Variants in PPIC observed in about 807,000 individuals in gnomAD.
The protein encoded by PPIC is peptidyl-prolyl cis-trans isomerase C.
A neutral mutation model predicts 19.5 loss-of-function variants in PPIC; 19 were observed. The observed-to-expected ratio is 0.98, with a 90% CI of 0.68 to 1.43. PPIC has a LOEUF of 1.43. Ranked by LOEUF, PPIC falls within the 40% of genes most tolerant of loss-of-function variation. PPIC has a pLI of 0.00. For synonymous variants in PPIC, 107 were observed against 101.2 expected, an observed-to-expected ratio of 1.06 and a Z score of -0.34; for missense variants, 268 against 268.6, an observed-to-expected ratio of 1.00 and a Z score of 0.02.
chr5:123,036,487 G>A lies in PPIC; in HGVS notation c.117+22C>T. 1.3e-6 allele frequency: 2 copies of A among 1,590,688 alleles called. No individual in the cohort carries two copies. The highest frequency in any genetic ancestry group is 1.7e-6 in the Non-Finnish European group (2 of 1,166,312). Reference sequence around the variant, plus strand: ...GGCCCCGCCCGCAACAGGGGAAGTTGCAGCCCGCCGCTCTCGGTCACCTTG... The same window carrying A: ...GGCCCCGCCCGCAACAGGGGAAGTTACAGCCCGCCGCTCTCGGTCACCTTG... On this transcript the variant is annotated intron_variant, in intron 1 of 4. Transcript: ENST00000306442. This position sits in a 1 kb window ranked among gnomAD's most constrained non-coding sequence, Gnocchi z 4.5.
In PPIC at chr5:123,023,779, A is replaced by C; in HGVS notation, c.*96T>G. On this transcript the variant is annotated 3_prime_UTR_variant, in exon 5 of 5. Coordinates refer to ENST00000306442, the MANE Select transcript of PPIC (RefSeq NM_000943.5). ...TAGAATACAAAAAGAAAGTAAAAAA[A>C]AAAAAGCAAATAATTGAAAGACAAC... The C allele has an allele frequency of 1.4e-6, 2 of 1,404,866 alleles. 1 individual carries two copies. The allele number at this position is 1,404,866 out of a possible 1,614,324, so 87.0% of individuals were successfully genotyped here. A position where few individuals can be genotyped will look rare whatever the true frequency, so the allele number is the denominator to read the frequency against.
In PPIC at chr5:123,024,001, T is replaced by C. The variant is rs1335086853; in HGVS notation, c.513A>G (p.Thr171=). Residue 171 remains threonine (T), a splice_region_variant and synonymous_variant, in exon 5 of 5, where the codon ACA becomes ACG. Transcript: ENST00000306442. Reference sequence around the variant, plus strand: ...CTTGGAGCTCTATGGAGTGCACCACTGTCTGGTGAGAGAAAAGTAGACACA... The same window carrying C: ...CTTGGAGCTCTATGGAGTGCACCACCGTCTGGTGAGAGAAAAGTAGACACA... ...VVFGKVIDGM[T]VVHSIELQAT... 1 of 1,612,026 alleles carries C rather than the reference T, an allele frequency of 6.2e-7. No individual in the cohort carries two copies. The highest frequency in any genetic ancestry group is 8.5e-7 in the Non-Finnish European group (1 of 1,178,870).
Position 123,029,441 on chromosome 5 carries a change from G to A in PPIC, c.118-23C>T, listed in dbSNP as rs1302296639. 4.5e-6 allele frequency: 7 copies of A among 1,557,156 alleles called. No individual in the cohort carries two copies. In the Admixed American group the frequency reaches 6.0e-5, roughly 13 times the overall value. ...GACCTGTGTGCAGTTGAAAGGCAAAGTGGAAGGTTATAAGGTGGAAAAGCA... is the reference window on the plus strand; with the variant it reads ...GACCTGTGTGCAGTTGAAAGGCAAAATGGAAGGTTATAAGGTGGAAAAGCA... On this transcript the variant is annotated intron_variant, in intron 1 of 4. Coordinates refer to ENST00000306442, the MANE Select transcript of PPIC (RefSeq NM_000943.5).
intron 1 of PPIC, among the ~76,000 whole-genome samples, chr5:123,032,954 G>A (rs1310670216): frequency 6.6e-6 from 1 of 152,140 alleles, no homozygotes; most frequent in Non-Finnish European, 1.5e-5. Context: ...GGTAGAGGAA[G>A]AGGGAGGAGG....
At chr5:123,025,120 G>C (rs1206935636) in intron 4 of PPIC, among the ~76,000 whole-genome samples, 1 of 152,056 alleles carries the variant, frequency 6.6e-6, no homozygotes. Flanking sequence ...GTTTTGTTTT[G>C]CTTTGTTTTC....
intron 1 of PPIC, 145 bp from the exon 2 acceptor site, chr5:123,029,563 A>G: frequency 7.3e-7 from 1 of 1,378,948 alleles, no homozygotes; most frequent in African/African-American, 1.5e-5. Flanking sequence ...CATCAATTAA[A>G]GGTACTTTAA....
intron 1 of PPIC, among the ~76,000 whole-genome samples, chr5:123,032,109 T>G (rs1250196103): frequency 2.6e-5 from 4 of 152,204 alleles, no homozygotes; most frequent in African/African-American, 9.6e-5. Context: ...GAGAGGCGTT[T>G]AAACAAAGGG....
At chr5:123,032,995 G>A (rs772900234) in intron 1 of PPIC, among the ~76,000 whole-genome samples, 31 of 152,242 alleles carry the variant, frequency 2.0e-4, no homozygotes, top group Non-Finnish European at 3.2e-4. Context: ...AACCCCTGTG[G>A]AATTAATCCT....
At chr5:123,029,495 C>A in intron 1 of PPIC, 77 bp from the exon 2 acceptor site, 1 of 1,465,862 alleles carries the variant, frequency 6.8e-7, no homozygotes. Flanking sequence ...AAATTAAAAT[C>A]TGAGAATTGA....
intron 1 of PPIC, among the ~76,000 whole-genome samples, chr5:123,032,651 C>A (rs1762958347): frequency 6.6e-6 from 1 of 152,120 alleles, no homozygotes; most frequent in South Asian, 2.1e-4. Context: ...CAGTGCTGGG[C>A]CAGGGGTGGG....
chr5:123,028,474 G>C (rs1561750156), intron 3 of PPIC: 3 of 266,058 alleles, frequency 1.1e-5, no homozygotes, highest in East Asian at 7.0e-5. Flanking sequence ...TCCTATGAAA[G>C]ATATTTTTCT....
Position 123,025,886 on chromosome 5 carries a change from G to A in PPIC, c.408C>T (p.Asn136=), listed in dbSNP as rs74557853. The A allele has an allele frequency of 1.6e-3, 2,654 of 1,614,012 alleles. 45 individuals are homozygous for A. The African/African-American group carries it at 0.03, about 18-fold the overall frequency. Residue 136 remains asparagine, a synonymous_variant, in exon 4 of 5, where the codon AAC becomes AAT. Transcript: ENST00000306442. ...HYGIGWVSMA[N]AGPDTNGSQF... is the part of the protein sequence containing the mutation. ...GAGAGCCATTGGTGTCAGGCCCAGC[G>A]TTGGCCATGCTGACCCACCCAATGC...
chr5:123,033,558 A>G (rs867916384), intron 1 of PPIC, among the ~76,000 whole-genome samples: 1 of 152,236 alleles, frequency 6.6e-6, no homozygotes, highest in African/African-American at 2.4e-5. Context: ...TGAATCTTAC[A>G]GCTCATAGCA....
chr5:123,024,645 G>A (rs563106657), intron 4 of PPIC, among the ~76,000 whole-genome samples: 11 of 152,208 alleles, frequency 7.2e-5, no homozygotes, highest in Non-Finnish European at 1.3e-4. Flanking sequence ...AAGAAAGTAG[G>A]TTTTTGGTGG....
chr5:123,030,043 G>A (rs1329551551), intron 1 of PPIC, among the ~76,000 whole-genome samples: 4 of 152,150 alleles, frequency 2.6e-5, no homozygotes, highest in African/African-American at 9.7e-5. Context: ...GCTTTCCAAA[G>A]GACAGCAAAC....
At chr5:123,031,280 A>G (rs1434604907) in intron 1 of PPIC, among the ~76,000 whole-genome samples, 2 of 152,226 alleles carry the variant, frequency 1.3e-5, no homozygotes. Context: ...AAGAGATAGG[A>G]TAGGCAAACC....
At chr5:123,033,321 G>A (rs1212657229) in intron 1 of PPIC, among the ~76,000 whole-genome samples, 2 of 152,124 alleles carry the variant, frequency 1.3e-5, no homozygotes, top group Non-Finnish European at 2.9e-5. Flanking sequence ...GGCCTAATGC[G>A]AGGTGTTTGA....
chr5:123,025,030 T>G (rs1214971234), intron 4 of PPIC, among the ~76,000 whole-genome samples: 1 of 152,228 alleles, frequency 6.6e-6, no homozygotes, highest in Non-Finnish European at 1.5e-5. Flanking sequence ...AGATTCAAAT[T>G]CTCTTCAATA....
chr5:123,028,651 A>G (rs1232190883), intron 3 of PPIC, 124 bp downstream of exon 3: 2 of 692,566 alleles, frequency 2.9e-6, no homozygotes, highest in Admixed American at 3.3e-5. Context: ...TCCTTCTCAA[A>G]GAGGTACAGT....
Sources: gnomAD v4.1 joint callset for allele counts (sites outside exome capture counted in the v4.1 genomes callset) on GRCh38, gnomAD v4.1.1 for gene constraint, Gnocchi (gnomAD v3.1) non-coding constraint, MANE v1.5 for transcripts, NCBI Gene and HGNC (gene_info 2026-07-23, HGNC 2026-07-21) for gene names.